CCSER1: variants seen among roughly 807,000 people sequenced by gnomAD.
The protein encoded by CCSER1 is serine-rich coiled-coil domain-containing protein 1.
Under a neutral mutation model 82.0 loss-of-function variants are expected in CCSER1, and 41 were observed. That is an observed-to-expected ratio of 0.50 (90% CI 0.39 to 0.65). The LOEUF (loss-of-function observed/expected upper bound fraction) is 0.65. Among genes scored for constraint, CCSER1 ranks in the 30% least tolerant of loss-of-function variants. The pLI is 0.00. For missense variants in CCSER1, 1,119 were observed against 1,064.2 expected (o/e 1.05, Z -0.72); for synonymous variants, 414 against 383.9 (o/e 1.08, Z -0.92).
At chr4:91,536,526 C>T (rs1006862826) in intron 10 of CCSER1, among the ~76,000 whole-genome samples, 15 of 152,044 alleles carry the variant, frequency 9.9e-5, no homozygotes, top group Admixed American at 2.0e-4. Flanking sequence ...CTCCCTTCCC[C>T]TCCAACTTCT....
chr4:91,282,156 CTA>C (rs1202727570), intron 10 of CCSER1, among the ~76,000 whole-genome samples: 1 of 152,040 alleles, frequency 6.6e-6, no homozygotes, highest in African/African-American at 2.4e-5. Flanking sequence ...TCAAATAAAC[CTA>C]TGTGTGCATA....
intron 6 of CCSER1, among the ~76,000 whole-genome samples, chr4:90,714,356 A>G (rs972564509): frequency 6.6e-6 from 1 of 152,020 alleles, no homozygotes; most frequent in East Asian, 1.9e-4. Flanking sequence ...ACATTATAGT[A>G]TCTTGTTCAT....
intron 4 of CCSER1, among the ~76,000 whole-genome samples, chr4:90,466,610 G>A (rs1247038622): frequency 6.6e-6 from 1 of 152,100 alleles, no homozygotes; most frequent in Non-Finnish European, 1.5e-5. Flanking sequence ...AATGATTAAT[G>A]GATATTGTTT....
chr4:91,441,122 A>G (rs952575696), intron 10 of CCSER1, among the ~76,000 whole-genome samples: 6 of 152,220 alleles, frequency 3.9e-5, no homozygotes, highest in Non-Finnish European at 7.3e-5. Flanking sequence ...TCATTTTATG[A>G]GGCCAGGATC....
intron 9 of CCSER1, among the ~76,000 whole-genome samples, chr4:91,062,282 C>T (rs1461591): frequency 0.9 from 137,086 of 151,928 alleles, 61,998 homozygotes; most frequent in East Asian, 0.91. Flanking sequence ...AACACTCAAA[C>T]TCCCCCTTGC....
intron 5 of CCSER1, among the ~76,000 whole-genome samples, chr4:90,622,209 C>T (rs1205130134): frequency 2.0e-5 from 3 of 151,962 alleles, no homozygotes; most frequent in Non-Finnish European, 2.9e-5. Flanking sequence ...AAAGAGGTAC[C>T]TGTGTATTTT....
chr4:90,371,614 A>G (rs896529753), intron 3 of CCSER1, among the ~76,000 whole-genome samples: 5 of 152,198 alleles, frequency 3.3e-5, no homozygotes, highest in African/African-American at 1.2e-4. Context: ...TTGTTTTTAT[A>G]ATCAACATCA....
rs1034998032 is a variant in CCSER1 at position 91,599,180 on chromosome 4, T to C, written c.*123T>C. 88 of 1,262,752 alleles carry C rather than the reference T, an allele frequency of 7.0e-5. 1 individual carries two copies. In the African/African-American group the frequency reaches 1.1e-3, roughly 15 times the overall value. 78.2% of individuals were successfully genotyped at this position (1,262,752 alleles called of 1,614,324 possible). A position where few individuals can be genotyped will look rare whatever the true frequency, so the allele number is the denominator to read the frequency against. ...TTAGTTATAAACAGAGTTGTGTTGT[T>C]GGGTTTTTTTTCTTAGTCATAAACA... On this transcript the variant is annotated 3_prime_UTR_variant, in exon 11 of 11. Transcript: ENST00000509176.
At chr4:90,914,311 A>C (rs1016593590) in intron 8 of CCSER1, among the ~76,000 whole-genome samples, 1 of 152,224 alleles carries the variant, frequency 6.6e-6, no homozygotes, top group African/African-American at 2.4e-5. Flanking sequence ...ACCACAGTGC[A>C]ATCAAACTAG....
At chr4:90,608,661 C>T (rs1374215389) in intron 5 of CCSER1, among the ~76,000 whole-genome samples, 2 of 152,036 alleles carry the variant, frequency 1.3e-5, no homozygotes, top group Admixed American at 6.6e-5. Flanking sequence ...ATGATTCATG[C>T]ATAATGTAAA....
chr4:90,887,319 T>C (rs1561307484), intron 8 of CCSER1, among the ~76,000 whole-genome samples: 2 of 152,164 alleles, frequency 1.3e-5, no homozygotes, highest in South Asian at 4.1e-4. Flanking sequence ...CTTTTTTATT[T>C]ACCCCTGCTT....
chr4:91,403,574 T>C (rs1350672635), intron 10 of CCSER1, among the ~76,000 whole-genome samples: 3 of 152,334 alleles, frequency 2.0e-5, no homozygotes, highest in East Asian at 3.9e-4. Flanking sequence ...GTCCCATCGA[T>C]ACCTAATTTA....
At chr4:90,815,645 A>T in intron 7 of CCSER1, 117 bp from the exon 8 acceptor site, 2 of 627,918 alleles carry the variant, frequency 3.2e-6, no homozygotes, top group East Asian at 2.8e-5. Flanking sequence ...CTATAGAGGG[A>T]ATTTGAGTTT....
chr4:90,901,546 C>T (rs1195310475), intron 8 of CCSER1, among the ~76,000 whole-genome samples: 1 of 152,008 alleles, frequency 6.6e-6, no homozygotes, highest in Admixed American at 6.6e-5. Context: ...TATGAAGCTT[C>T]ATTTTGAAGG....
At chr4:90,344,712 G>C (rs975476853) in intron 3 of CCSER1, among the ~76,000 whole-genome samples, 8 of 152,006 alleles carry the variant, frequency 5.3e-5, no homozygotes. Context: ...AAGTTGGGGA[G>C]CATCTGTACT....
intron 10 of CCSER1, among the ~76,000 whole-genome samples, chr4:91,458,101 T>C (rs1295255677): frequency 6.6e-6 from 1 of 152,282 alleles, no homozygotes; most frequent in East Asian, 1.9e-4. Flanking sequence ...GAAGTAGTTC[T>C]CCAATTTTTT....
chr4:90,884,156 T>C (rs989596609), intron 8 of CCSER1, among the ~76,000 whole-genome samples: 1 of 151,790 alleles, frequency 6.6e-6, no homozygotes, highest in African/African-American at 2.4e-5. Flanking sequence ...AATGGAGAGG[T>C]CACTACAATG....
chr4:90,933,984 C>T (rs1455661666), intron 9 of CCSER1, among the ~76,000 whole-genome samples: 19 of 151,624 alleles, frequency 1.3e-4, no homozygotes. Flanking sequence ...ATTTTGAAAA[C>T]TCTAATATAA....
chr4:90,626,032 C>T (rs949551336), intron 5 of CCSER1, among the ~76,000 whole-genome samples: 7 of 152,046 alleles, frequency 4.6e-5, no homozygotes, highest in Non-Finnish European at 7.4e-5. Context: ...AAAGAGCCAG[C>T]ACGCTAACTA....
Sources: gnomAD v4.1 joint callset for allele counts (sites outside exome capture counted in the v4.1 genomes callset) on GRCh38, gnomAD v4.1.1 for gene constraint, MANE v1.5 for transcripts, NCBI Gene and HGNC (gene_info 2026-07-23, HGNC 2026-07-21) for gene names.